XKR6: variants seen among roughly 807,000 people sequenced by gnomAD.
XKR6 encodes the protein XK related 6.
Under a neutral mutation model 56.7 loss-of-function variants are expected in XKR6, and 22 were observed. That is an observed-to-expected ratio of 0.39 (90% CI 0.28 to 0.55). XKR6 has a LOEUF of 0.55. XKR6 is among the 20% of genes least tolerant of loss of function. The pLI, the probability that XKR6 is intolerant of heterozygous loss-of-function variation, is 0.66. For missense variants in XKR6, 852 were observed against 889.0 expected, an observed-to-expected ratio of 0.96 and a Z score of 0.53; for synonymous variants, 524 against 387.8, an observed-to-expected ratio of 1.35 and a Z score of -4.13.
At chr8:11,187,973 G>C (rs1312144558) in intron 1 of XKR6, among the ~76,000 whole-genome samples, 2 of 152,158 alleles carry the variant, frequency 1.3e-5, no homozygotes, top group Non-Finnish European at 2.9e-5. Flanking sequence ...CATTGCTTTT[G>C]TTAAAGTTCC....
intron 1 of XKR6, among the ~76,000 whole-genome samples, chr8:11,060,083 G>T (rs1307422559): frequency 1.3e-5 from 2 of 152,120 alleles, no homozygotes; most frequent in African/African-American, 4.8e-5. Context: ...TGCACTTCTG[G>T]TGTTACCATT....
rs534284980 is a variant in XKR6, at chr8:11,184,084, A to G, written c.764+16492T>C. Among the ~76,000 whole-genome samples the G allele has an allele frequency of 1.4e-4, 22 of 152,328 alleles. No individual in the cohort carries two copies. In the South Asian group the frequency reaches 4.6e-3, roughly 32 times the overall value. On this transcript the variant is annotated intron_variant, in intron 1 of 2. Coordinates refer to ENST00000416569, the MANE Select transcript of XKR6 (RefSeq NM_173683.4). ...CTATTAATAAGATCAGCTAGACAAA[A>G]AAATTATCTCATACATAGTGTATAT...
At chr8:11,182,537 G>T (rs775893695) in intron 1 of XKR6, among the ~76,000 whole-genome samples, 1 of 152,236 alleles carries the variant, frequency 6.6e-6, no homozygotes, top group Non-Finnish European at 1.5e-5. Flanking sequence ...GGCATATCTT[G>T]AAGTCAGATG....
At chr8:11,183,126 TAGG>T (rs1403064080) in intron 1 of XKR6, among the ~76,000 whole-genome samples, 13 of 152,156 alleles carry the variant, frequency 8.5e-5, no homozygotes, top group African/African-American at 2.4e-4. Context: ...GATGAAGGCT[TAGG>T]TTGCTTCCAC....
intron 1 of XKR6, among the ~76,000 whole-genome samples, chr8:11,152,399 G>A (rs1195322873): frequency 2.0e-5 from 3 of 152,262 alleles, no homozygotes; most frequent in East Asian, 3.9e-4. Context: ...AAAGCTAAGC[G>A]AATATACTGA....
intron 1 of XKR6, among the ~76,000 whole-genome samples, chr8:11,038,622 A>G (rs1586463363): frequency 6.6e-6 from 1 of 151,670 alleles, no homozygotes; most frequent in Non-Finnish European, 1.5e-5. Context: ...GCAGCCTCAA[A>G]CTACCAGGCT....
intron 1 of XKR6, among the ~76,000 whole-genome samples, chr8:10,992,792 G>C (rs1231208105): frequency 6.6e-6 from 1 of 152,166 alleles, no homozygotes. Flanking sequence ...ACTGACGCAG[G>C]AGATGGGAAG....
intron 1 of XKR6, among the ~76,000 whole-genome samples, chr8:10,951,061 G>A (rs1479679522): frequency 6.6e-6 from 1 of 152,114 alleles, no homozygotes; most frequent in African/African-American, 2.4e-5. Context: ...ATTGTCAAGC[G>A]CCAGACGGAG....
intron 1 of XKR6, among the ~76,000 whole-genome samples, chr8:11,056,523 A>T (rs1413239397): frequency 2.0e-5 from 3 of 151,826 alleles, no homozygotes; most frequent in African/African-American, 7.3e-5. Context: ...ATGTTCATCT[A>T]CCCCAAATGC....
intron 1 of XKR6, chr8:11,002,478 A>G: frequency 5.0e-6 from 2 of 400,242 alleles, no homozygotes; most frequent in Admixed American, 2.8e-5. Context: ...CAGGAGAAAA[A>G]GACTCAAGAA....
chr8:11,041,054 C>A (rs1174901105), intron 1 of XKR6, among the ~76,000 whole-genome samples: 1 of 152,044 alleles, frequency 6.6e-6, no homozygotes, highest in East Asian at 1.9e-4. Flanking sequence ...ATGGCCCATT[C>A]CAGCCTCTCA....
At chr8:11,100,855 G>A (rs1395023105) in intron 1 of XKR6, among the ~76,000 whole-genome samples, 1 of 152,154 alleles carries the variant, frequency 6.6e-6, no homozygotes, top group Non-Finnish European at 1.5e-5. Flanking sequence ...GTTGGCCTCC[G>A]AGTCAGTGCT....
At chr8:11,056,010 T>C (rs562484422) in intron 1 of XKR6, among the ~76,000 whole-genome samples, 2 of 152,248 alleles carry the variant, frequency 1.3e-5, no homozygotes, top group South Asian at 4.1e-4. Flanking sequence ...TGTGCAGCCC[T>C]TGGGTCTCGA....
Position 11,008,293 on chromosome 8 carries a change from A to T in XKR6, c.765-83463T>A, listed in dbSNP as rs146245743. On this transcript the variant is annotated intron_variant, in intron 1 of 2. Transcript: ENST00000416569. ...TGCAAAAAGGCCCAAGGGTGGCCTG[A>T]GCACCCGGACACTGAGGCAGGTAGG... Among the ~76,000 whole-genome samples, 960 of 152,228 alleles carry T rather than the reference A, an allele frequency of 6.3e-3. 7 individuals are homozygous for T. Among genetic ancestry groups the T allele is most frequent in the African/African-American group, 0.022 (904 of 41,550 alleles).
At chr8:10,976,032 T>C (rs1489394238) in intron 1 of XKR6, among the ~76,000 whole-genome samples, 27 of 151,774 alleles carry the variant, frequency 1.8e-4, no homozygotes, top group Admixed American at 1.6e-3. Context: ...AAAAATTAGC[T>C]GGGCGCAATG....
intron 1 of XKR6, among the ~76,000 whole-genome samples, chr8:10,958,521 G>A (rs1156419060): frequency 2.0e-5 from 3 of 152,340 alleles, no homozygotes; most frequent in East Asian, 1.9e-4. Context: ...CTAGTGGTTT[G>A]GGAGGCTTTC....
chr8:10,930,519 C>A (rs773555245), intron 1 of XKR6, among the ~76,000 whole-genome samples: 3 of 152,196 alleles, frequency 2.0e-5, no homozygotes, highest in Non-Finnish European at 4.4e-5. Flanking sequence ...CAGACAACAT[C>A]TCCCATAAAC....
chr8:10,974,198 G>A (rs2129134815), intron 1 of XKR6, among the ~76,000 whole-genome samples: 1 of 152,334 alleles, frequency 6.6e-6, no homozygotes. Flanking sequence ...GGAGATGCTG[G>A]TGGGCTCCCA....
chr8:10,979,768 T>C (rs1167318896), intron 1 of XKR6, among the ~76,000 whole-genome samples: 1 of 152,196 alleles, frequency 6.6e-6, no homozygotes, highest in East Asian at 1.9e-4. Flanking sequence ...GTAGGGGTTT[T>C]CTCTCAGCTC....
Sources: allele counts gnomAD v4.1 joint callset (sites outside exome capture counted in the v4.1 genomes callset), GRCh38; gene constraint gnomAD v4.1.1; transcripts MANE v1.5; gene names NCBI Gene and HGNC (gene_info 2026-07-23, HGNC 2026-07-21).